The following LRP1B variants were observed in gnomAD, a reference collection of about 807,000 sequenced individuals.
LRP1B encodes low-density lipoprotein receptor-related protein 1B.
In LRP1B, 217 loss-of-function variants were observed where a neutral mutation model predicts 556.6. The ratio of observed to expected loss-of-function variants is 0.39; its 90% CI spans 0.35 to 0.44. The LOEUF (loss-of-function observed/expected upper bound fraction) is 0.44, where lower values mean the gene tolerates loss of function less well. Ranked by LOEUF, LRP1B falls within the 20% of genes least tolerant of loss-of-function variation. The pLI is 1.00. For missense variants in LRP1B, 5,053 were observed against 5,620.8 expected, an observed-to-expected ratio of 0.90 and a Z score of 3.23; for synonymous variants, 2,047 against 1,865.8, an observed-to-expected ratio of 1.10 and a Z score of -2.50.
chr2:141,495,499 G>A (rs146644861), intron 2 of LRP1B, among the ~76,000 whole-genome samples: 2 of 152,200 alleles, frequency 1.3e-5, no homozygotes, highest in African/African-American at 4.8e-5. Context: ...TTCATAACAT[G>A]ACTCTTGAAA....
intron 1 of LRP1B, among the ~76,000 whole-genome samples, chr2:142,119,134 C>T (rs887506667): frequency 1.3e-5 from 2 of 152,078 alleles, no homozygotes; most frequent in Admixed American, 6.5e-5. Context: ...ATTTTAAATG[C>T]CTGAGCTTTG....
chr2:141,590,102 A>T (rs1687282357), intron 2 of LRP1B, among the ~76,000 whole-genome samples: 1 of 152,178 alleles, frequency 6.6e-6, no homozygotes, highest in Non-Finnish European at 1.5e-5. Flanking sequence ...TGCAGAAAAA[A>T]AAATGGTTAT....
intron 2 of LRP1B, among the ~76,000 whole-genome samples, chr2:141,536,824 T>A (rs1233560965): frequency 6.6e-6 from 1 of 152,064 alleles, no homozygotes; most frequent in Non-Finnish European, 1.5e-5. Context: ...GAGTAAATTA[T>A]GAGTCTGATA....
chr2:140,651,977 G>T (rs1684705205), intron 41 of LRP1B, among the ~76,000 whole-genome samples: 1 of 151,760 alleles, frequency 6.6e-6, no homozygotes, highest in Non-Finnish European at 1.5e-5. Context: ...CTTGAATATG[G>T]GTAAGCACAA....
At chr2:141,513,698 T>G (rs1366537533) in intron 2 of LRP1B, among the ~76,000 whole-genome samples, 2 of 150,880 alleles carry the variant, frequency 1.3e-5, no homozygotes. Context: ...TTTTGTTTTT[T>G]AAAGGACAAA....
At chr2:140,722,206 T>C (rs1687426697) in intron 35 of LRP1B, among the ~76,000 whole-genome samples, 2 of 152,216 alleles carry the variant, frequency 1.3e-5, no homozygotes, top group Admixed American at 6.5e-5. Context: ...TTTTCCATGG[T>C]GTGAAAATGC....
chr2:141,874,447 A>G (rs964135628), intron 1 of LRP1B, among the ~76,000 whole-genome samples: 12 of 151,936 alleles, frequency 7.9e-5, no homozygotes, highest in Admixed American at 7.9e-4. Context: ...CTTTGGACTT[A>G]TATTTTATTA....
chr2:141,275,322 G>A (rs1685246268), intron 3 of LRP1B, among the ~76,000 whole-genome samples: 1 of 152,194 alleles, frequency 6.6e-6, no homozygotes, highest in South Asian at 2.1e-4. Context: ...CATCTGTGTG[G>A]TAGGCAGAGT....
At position 140,239,433 on chromosome 2, in the gene LRP1B, G is replaced by A. The variant is rs373178419; in HGVS notation, c.13415+9C>T. ...TCACTGACTGCTAATCTAGAACATT[G>A]CATCTTACCTTCTTTTTCTTTTACA... is the stretch of plus-strand genomic sequence containing the variant. On this transcript the variant is annotated intron_variant, in intron 88 of 90. Coordinates refer to ENST00000389484, the MANE Select transcript of LRP1B (RefSeq NM_018557.3). 1 of 1,550,460 alleles carries A rather than the reference G, an allele frequency of 6.4e-7. No individual in the cohort carries two copies. Among genetic ancestry groups the A allele is most frequent in the Non-Finnish European group, 8.8e-7 (1 of 1,131,362 alleles).
At chr2:141,270,792 A>T (rs1685060727) in intron 3 of LRP1B, among the ~76,000 whole-genome samples, 3 of 152,008 alleles carry the variant, frequency 2.0e-5, no homozygotes. Flanking sequence ...GAAACAAGAA[A>T]CAAGAATCCA....
At chr2:141,329,031 T>C (rs1217090597) in intron 3 of LRP1B, among the ~76,000 whole-genome samples, 1 of 152,236 alleles carries the variant, frequency 6.6e-6, no homozygotes, top group Non-Finnish European at 1.5e-5. Flanking sequence ...TCAACTCTAA[T>C]TGCAATGACC....
chr2:141,675,369 A>G (rs1690835915), intron 2 of LRP1B, among the ~76,000 whole-genome samples: 1 of 151,828 alleles, frequency 6.6e-6, no homozygotes. Context: ...TATTGCTAAG[A>G]TTGTATCTTT....
chr2:140,678,202 G>A (rs1278753534), intron 41 of LRP1B, among the ~76,000 whole-genome samples: 1 of 152,138 alleles, frequency 6.6e-6, no homozygotes, highest in African/African-American at 2.4e-5. Flanking sequence ...AAACAAAAAA[G>A]ACATTCATGA....
At chr2:141,753,263 C>CTCTCTCTCTCTCTCTCTATATATAT (rs533996017) in intron 2 of LRP1B, among the ~76,000 whole-genome samples, 1 of 62,502 alleles carries the variant, frequency 1.6e-5, no homozygotes, top group African/African-American at 6.0e-5. Flanking sequence ...TCTCTCTCTC[C>CTCTCTCTCTCTCTCTCTATATATAT]ATATATATAT....
At chr2:141,494,508 C>T (rs1683446271) in intron 2 of LRP1B, among the ~76,000 whole-genome samples, 1 of 151,830 alleles carries the variant, frequency 6.6e-6, no homozygotes, top group South Asian at 2.1e-4. Flanking sequence ...ATATGACTGC[C>T]TCAGTGCGCT....
At chr2:141,095,757 A>G (rs1255407920) in intron 7 of LRP1B, among the ~76,000 whole-genome samples, 1 of 152,106 alleles carries the variant, frequency 6.6e-6, no homozygotes, top group East Asian at 1.9e-4. Flanking sequence ...TGCCTGTGCC[A>G]TCCAGCTGCC....
At chr2:141,163,771 G>C (rs1220785520) in intron 7 of LRP1B, among the ~76,000 whole-genome samples, 1 of 152,060 alleles carries the variant, frequency 6.6e-6, no homozygotes, top group Non-Finnish European at 1.5e-5. Context: ...CATGTGAACT[G>C]TGAGTCCACT....
chr2:140,483,436 A>T (rs981533667), intron 59 of LRP1B, among the ~76,000 whole-genome samples: 1 of 151,720 alleles, frequency 6.6e-6, no homozygotes, highest in Non-Finnish European at 1.5e-5. Context: ...AGAAAAGACC[A>T]CAGACTGCTA....
intron 20 of LRP1B, among the ~76,000 whole-genome samples, chr2:140,929,787 C>T (rs1309888158): frequency 2.0e-5 from 3 of 151,632 alleles, no homozygotes; most frequent in Admixed American, 6.6e-5. Context: ...CACACACACA[C>T]ACACACACAG....
Sources: allele counts gnomAD v4.1 joint callset (sites outside exome capture counted in the v4.1 genomes callset), GRCh38; gene constraint gnomAD v4.1.1; transcripts MANE v1.5; gene names NCBI Gene and HGNC (gene_info 2026-07-23, HGNC 2026-07-21).